The following MYO9B variants were observed in gnomAD, a reference collection of about 807,000 sequenced individuals.
MYO9B encodes unconventional myosin-IXb.
Under a neutral mutation model 229.5 loss-of-function variants are expected in MYO9B, and 71 were observed. The observed-to-expected ratio is 0.31, with a 90% CI of 0.26 to 0.38. The LOEUF is 0.38. Ranked by LOEUF, MYO9B falls within the 10% of genes least tolerant of loss-of-function variation. The pLI, the probability that MYO9B is intolerant of heterozygous loss-of-function variation, is 1.00. For missense variants in MYO9B, 2,255 were observed against 2,920.5 expected, an observed-to-expected ratio of 0.77 and a Z score of 5.25; for synonymous variants, 1,185 against 1,235.8, an observed-to-expected ratio of 0.96 and a Z score of 0.86.
At position 17,207,126 on chromosome 19, in the gene MYO9B, G is replaced by A. The variant is rs1257513193; in HGVS notation, c.5506G>A (p.Glu1836Lys). 4 of 1,610,176 alleles carry A rather than the reference G, an allele frequency of 2.5e-6. No homozygotes were observed. The highest frequency in any genetic ancestry group is 2.2e-5 in the South Asian group (2 of 90,510). ...IFHLVKVALLEDVNRMSPGAL... is the reference protein window; with the variant it reads ...IFHLVKVALLKDVNRMSPGAL... The stretch of plus-strand genomic sequence containing the variant: ...GTGGCTGTGCAGGGTGGCCCTGCTC[G>A]AGGATGTCAACCGCATGTCACCTGG... Residue 1836 changes from glutamate to lysine, a missense_variant, in exon 35 of 40, where the codon GAG becomes AAG. Physicochemically the swap from Glu to Lys is moderately conservative, Grantham distance 56 (BLOSUM62 1). Transcript: ENST00000682292.
At chr19:17,145,787 G>A (rs575950480) in intron 3 of MYO9B, among the ~76,000 whole-genome samples, 2 of 152,246 alleles carry the variant, frequency 1.3e-5, no homozygotes, top group Non-Finnish European at 2.9e-5. Context: ...GGTAGGTCTT[G>A]GGGGTGTCAC....
At chr19:17,124,404 A>G (rs1186269438) in intron 2 of MYO9B, among the ~76,000 whole-genome samples, 2 of 152,198 alleles carry the variant, frequency 1.3e-5, no homozygotes, top group African/African-American at 2.4e-5. Context: ...TACAAGTGAC[A>G]CTCTAACAAT....
intron 1 of MYO9B, among the ~76,000 whole-genome samples, chr19:17,082,506 A>G (rs912654290): frequency 6.6e-6 from 1 of 151,854 alleles, no homozygotes. Context: ...GGCGTCTGCC[A>G]CCTCCTGCAT....
chr19:17,194,878 C>T lies in MYO9B; in HGVS notation c.3451C>T (p.Arg1151Cys), dbSNP rs752037436. 1.4e-5 allele frequency: 22 copies of T among 1,613,170 alleles called. No homozygotes were observed. Among genetic ancestry groups the T allele is most frequent in the Middle Eastern group, 1.6e-4 (1 of 6,084 alleles). ...CAGCAGCCGGGAGAAGCGTGAGTCGCGTCGGCAAAGAGGGCTGGAGCACGT... is the reference window on the plus strand; with the variant it reads ...CAGCAGCCGGGAGAAGCGTGAGTCGTGTCGGCAAAGAGGGCTGGAGCACGT... ...VPSSREKRES[R>C]RQRGLEHVKF... The change falls in exon 22 of 40, where the codon CGT becomes TGT. Residue 1151 changes from arginine to cysteine, a missense_variant. This residue lies in a region of MYO9B where 679 missense variants were observed against 770.2 expected (regional missense o/e 0.88). Transcript: ENST00000682292.
Position 17,192,148 on chromosome 19 carries a change from G to A in MYO9B, c.2812-598G>A, listed in dbSNP as rs558497995. Among the ~76,000 whole-genome samples the A allele has an allele frequency of 5.3e-5, 8 of 151,532 alleles. 1 individual carries two copies. The highest frequency in any genetic ancestry group is 1.9e-4 in the African/African-American group (8 of 41,392). On this transcript the variant is annotated intron_variant, in intron 20 of 39. Coordinates refer to ENST00000682292, the MANE Select transcript of MYO9B (RefSeq NM_004145.4). ...TTTTTGTATTTTTAGTAGAGACAGG[G>A]TTTTATTACAGGCACACACCTGTAG...
intron 30 of MYO9B, among the ~76,000 whole-genome samples, chr19:17,204,583 C>T (rs1295971351): frequency 6.6e-6 from 1 of 151,944 alleles, no homozygotes; most frequent in Non-Finnish European, 1.5e-5. Context: ...GTGGCTCACA[C>T]CTGTAATCCC....
At chr19:17,164,380 C>T (rs998257583) in intron 10 of MYO9B, among the ~76,000 whole-genome samples, 4 of 142,642 alleles carry the variant, frequency 2.8e-5, no homozygotes, top group South Asian at 2.2e-4. Flanking sequence ...ACCTATCTGA[C>T]GTGTCTTTTT....
At chr19:17,206,993 GC>G in intron 34 of MYO9B, 119 bp from the exon 35 acceptor site, 1 of 1,417,524 alleles carries the variant, frequency 7.1e-7, no homozygotes, top group Non-Finnish European at 9.7e-7. Flanking sequence ...ATCTCCCAGT[GC>G]TGGGCTGTGG....
intron 38 of MYO9B, 84 bp downstream of exon 38, chr19:17,210,932 C>T: frequency 1.3e-6 from 2 of 1,510,006 alleles, no homozygotes; most frequent in South Asian, 1.2e-5. Flanking sequence ...TCCGCTTGAC[C>T]TCGCCAGGTT....
chr19:17,212,958 CAT>C lies in MYO9B; in HGVS notation c.*649_*650del, dbSNP rs2073248202. On this transcript the variant is annotated 3_prime_UTR_variant, in exon 40 of 40. Coordinates refer to ENST00000682292, the MANE Select transcript of MYO9B (RefSeq NM_004145.4). The surrounding 1 kb of genome is among the most constrained non-coding windows in gnomAD (Gnocchi z 5.4). ...TCTGGGCTATTGGCTGGAGCCAGGA[CAT>C]GAGTCAGGGGCACCATGGACCTCAC... 6.6e-6 allele frequency: 1 copy of C among 152,296 alleles called. No individual in the cohort carries two copies. Among genetic ancestry groups the C allele is most frequent in the South Asian group, 2.1e-4 (1 of 4,834 alleles). The allele number at this position is 152,296 out of a possible 1,614,324, so 9.4% of individuals were successfully genotyped here. A position where few individuals can be genotyped will look rare whatever the true frequency, so the allele number is the denominator to read the frequency against.
intron 18 of MYO9B, among the ~76,000 whole-genome samples, chr19:17,187,377 C>T (rs2072929916): frequency 6.6e-6 from 1 of 152,050 alleles, no homozygotes; most frequent in South Asian, 2.1e-4. Context: ...CCAGCACTTA[C>T]CCCAGTGCCT....
At chr19:17,188,428 CAA>C (rs1182917762) in intron 19 of MYO9B, among the ~76,000 whole-genome samples, 8 of 92,542 alleles carry the variant, frequency 8.6e-5, no homozygotes, top group Non-Finnish European at 1.3e-4. Flanking sequence ...GACTCCATCT[CAA>C]AAAAAAAAAA....
At chr19:17,076,472 G>C (rs756423445) in intron 1 of MYO9B, among the ~76,000 whole-genome samples, 15 of 152,250 alleles carry the variant, frequency 9.9e-5, no homozygotes, top group Non-Finnish European at 1.8e-4. Context: ...GTCACGGTAA[G>C]AACTGAGGGT....
In MYO9B at chr19:17,205,948, C is replaced by A; in HGVS notation, c.5065-12C>A. 6.5e-7 allele frequency: 1 copy of A among 1,547,094 alleles called. No individual in the cohort carries two copies. The highest frequency in any genetic ancestry group is 8.7e-7 in the Non-Finnish European group (1 of 1,145,312). On this transcript the variant is annotated splice_polypyrimidine_tract_variant and intron_variant, in intron 31 of 39. Transcript: ENST00000682292. ...CCAGGCCCAGACCTGACCCCCAACC[C>A]CGGCACTGCAGGGCGAGCCAGGCGT...
intron 2 of MYO9B, among the ~76,000 whole-genome samples, chr19:17,124,948 T>G (rs1344147621): frequency 1.3e-5 from 2 of 151,964 alleles, no homozygotes; most frequent in Non-Finnish European, 2.9e-5. Flanking sequence ...TCATGTCCTA[T>G]CTCAAGCTGA....
chr19:17,104,342 C>T (rs773362645), intron 2 of MYO9B, among the ~76,000 whole-genome samples: 2 of 152,152 alleles, frequency 1.3e-5, no homozygotes, highest in African/African-American at 4.8e-5. Context: ...GCCTCATGCC[C>T]TCTGCCCACT....
intron 22 of MYO9B, among the ~76,000 whole-genome samples, chr19:17,196,845 CAGA>C (rs1347380575): frequency 1.3e-5 from 2 of 150,944 alleles, no homozygotes; most frequent in Non-Finnish European, 3.0e-5. Context: ...GATGGACAGA[CAGA>C]AGGATGGGTG....
Position 17,195,311 on chromosome 19 carries a change from C to A in MYO9B, c.3884C>A (p.Thr1295Lys). The change falls in exon 22 of 40, where the codon ACG becomes AAG. Residue 1295 changes from threonine to lysine, a missense_variant. By Grantham distance (78) the Thr-to-Lys change is moderately conservative. Coordinates refer to ENST00000682292, the MANE Select transcript of MYO9B (RefSeq NM_004145.4). This position sits in a 1 kb window ranked among gnomAD's most constrained non-coding sequence, Gnocchi z 4.5. ...QEKPDSPGGS[T>K]QIQRYLDAER... ...AAGCCCGACAGCCCCGGAGGCTCCA[C>A]GCAGATCCAGCGGTACCTGGACGCC... The A allele has an allele frequency of 6.2e-7, 1 of 1,612,594 alleles. No homozygotes were observed. The highest frequency in any genetic ancestry group is 1.1e-5 in the South Asian group (1 of 91,082).
intron 3 of MYO9B, among the ~76,000 whole-genome samples, chr19:17,146,539 G>C: frequency 6.7e-6 from 1 of 148,718 alleles, no homozygotes; most frequent in Non-Finnish European, 1.5e-5. Flanking sequence ...TTGTGGGTGT[G>C]TGGATGGGTG....
Sources: gnomAD v4.1 joint callset for allele counts (sites outside exome capture counted in the v4.1 genomes callset) on GRCh38, gnomAD v4.1.1 for gene constraint, gnomAD v4.1.1 regional missense constraint, Gnocchi (gnomAD v3.1) non-coding constraint, MANE v1.5 for transcripts, NCBI Gene and HGNC (gene_info 2026-07-23, HGNC 2026-07-21) for gene names.